The following FXYD5 variants were observed in gnomAD, a reference collection of about 807,000 sequenced individuals.
FXYD5 encodes FXYD domain-containing ion transport regulator 5.
Under a neutral mutation model 25.7 loss-of-function variants are expected in FXYD5, and 21 were observed. The ratio of observed to expected loss-of-function variants is 0.82; its 90% CI spans 0.58 to 1.18. The LOEUF (loss-of-function observed/expected upper bound fraction) is 1.18, where lower values mean the gene tolerates loss of function less well. Ranked by LOEUF, FXYD5 falls within the 50% of genes most tolerant of loss-of-function variation. The pLI, the probability that FXYD5 is intolerant of heterozygous loss-of-function variation, is 0.00. For synonymous variants in FXYD5, 101 were observed against 90.7 expected, an observed-to-expected ratio of 1.11 and a Z score of -0.64; for missense variants, 229 against 227.7, an observed-to-expected ratio of 1.01 and a Z score of -0.04.
At chr19:35,169,483 C>A in intron 8 of FXYD5, 83 bp from the exon 9 acceptor site, 1 of 1,033,024 alleles carries the variant, frequency 9.7e-7, no homozygotes, top group South Asian at 1.3e-5. Flanking sequence ...CAGGGTTGAT[C>A]AATCTGGTTC....
At chr19:35,163,420 T>C (rs1291324925) in intron 5 of FXYD5, among the ~76,000 whole-genome samples, 1 of 151,254 alleles carries the variant, frequency 6.6e-6, no homozygotes, top group Non-Finnish European at 1.5e-5. Context: ...TTTTTTTTTT[T>C]CAAGAGAAGA....
At chr19:35,168,869 C>T (rs972022757) in intron 8 of FXYD5, among the ~76,000 whole-genome samples, 1 of 152,096 alleles carries the variant, frequency 6.6e-6, no homozygotes, top group African/African-American at 2.4e-5. Flanking sequence ...TCAAGACCAG[C>T]TTGGCCAACA....
chr19:35,161,521 C>T (rs1214628828), intron 5 of FXYD5, among the ~76,000 whole-genome samples: 2 of 152,228 alleles, frequency 1.3e-5, no homozygotes, highest in African/African-American at 4.8e-5. Flanking sequence ...GCTGGAGTCA[C>T]ATGCTCATGT....
intron 4 of FXYD5, among the ~76,000 whole-genome samples, chr19:35,158,792 T>A (rs2065380048): frequency 6.6e-6 from 1 of 152,140 alleles, no homozygotes; most frequent in South Asian, 2.1e-4. Context: ...TTTTTTGAAT[T>A]TTTTGAACAA....
chr19:35,155,250 A>T (rs1423651801), intron 1 of FXYD5: 1 of 481,856 alleles, frequency 2.1e-6, no homozygotes, highest in Non-Finnish European at 3.8e-6. Context: ...CGGAAGGCGC[A>T]GGGAGGTGTT....
intron 3 of FXYD5, 53 bp from the exon 4 acceptor site, chr19:35,158,291 A>C (rs1688006): frequency 0.022 from 25,960 of 1,183,114 alleles, 672 homozygotes; most frequent in East Asian, 0.098. Flanking sequence ...GACCTTGCCC[A>C]CTTCTTTTTC....
In FXYD5 at chr19:35,160,788, G is replaced by A. The variant is rs967321065; in HGVS notation, c.279G>A (p.Lys93=). The stretch of plus-strand genomic sequence containing the variant: ...TAGTGACAGATCCAGAGACACACAA[G>A]AGCACCAAAGCAGGTATAGCATGGG... ...GPLVTDPETH[K]STKAAHPTDD... is the part of the protein sequence containing the mutation. Residue 93 remains lysine (K), a synonymous_variant, in exon 5 of 9, where the codon AAG becomes AAA. Transcript: ENST00000392219. 1 of 1,609,940 alleles carries A rather than the reference G, an allele frequency of 6.2e-7. No homozygotes were observed. The highest frequency in any genetic ancestry group is 8.5e-7 in the Non-Finnish European group (1 of 1,176,376).
intron 8 of FXYD5, 96 bp from the exon 9 acceptor site, chr19:35,169,470 G>A: frequency 1.1e-6 from 1 of 918,272 alleles, no homozygotes; most frequent in Admixed American, 1.7e-5. Flanking sequence ...GTTTCCCGAG[G>A]GGCAGGGTTG....
At chr19:35,159,799 A>C (rs377506207) in intron 4 of FXYD5, 5 of 890,476 alleles carry the variant, frequency 5.6e-6, no homozygotes, top group African/African-American at 3.4e-5. Flanking sequence ...TCAAGGTCTC[A>C]CAACAAGTCA....
At chr19:35,169,431 C>T (rs948897671) in intron 8 of FXYD5, 135 bp from the exon 9 acceptor site, 2 of 675,958 alleles carry the variant, frequency 3.0e-6, no homozygotes, top group African/African-American at 3.5e-5. Flanking sequence ...GTGTGTTTCT[C>T]CATCATTTGT....
At chr19:35,165,368 A>G (rs1391191537) in intron 6 of FXYD5, among the ~76,000 whole-genome samples, 1 of 152,210 alleles carries the variant, frequency 6.6e-6, no homozygotes, top group African/African-American at 2.4e-5. Flanking sequence ...TCCCCTTTTT[A>G]TACTGTATAG....
intron 5 of FXYD5, among the ~76,000 whole-genome samples, chr19:35,163,159 T>C (rs1242528405): frequency 1.3e-5 from 2 of 152,246 alleles, no homozygotes; most frequent in African/African-American, 4.8e-5. Context: ...AGTATGGCTG[T>C]CCTTCGCATT....
chr19:35,165,012 G>A (rs756247564), intron 6 of FXYD5, among the ~76,000 whole-genome samples: 1 of 152,142 alleles, frequency 6.6e-6, no homozygotes, highest in East Asian at 1.9e-4. Context: ...TAGAATATTT[G>A]CATTATACTT....
intron 8 of FXYD5, among the ~76,000 whole-genome samples, chr19:35,168,531 G>C (rs1470827957): frequency 6.6e-6 from 1 of 152,158 alleles, no homozygotes; most frequent in Non-Finnish European, 1.5e-5. Context: ...GGGTAGGTTG[G>C]GGGAGAGGAG....
chr19:35,160,794 C>T lies in FXYD5; in HGVS notation c.285C>T (p.Thr95=), dbSNP rs1600504704. 7 of 1,605,790 alleles carry T rather than the reference C, an allele frequency of 4.4e-6. No individual in the cohort carries two copies. Among genetic ancestry groups the T allele is most frequent in the South Asian group, 3.3e-5 (3 of 90,932 alleles). Residue 95 remains threonine (T), a synonymous_variant, in exon 5 of 9, where the codon ACC becomes ACT. Coordinates refer to ENST00000392219, the MANE Select transcript of FXYD5 (RefSeq NM_014164.6). ...CAGATCCAGAGACACACAAGAGCAC[C>T]AAAGCAGGTATAGCATGGGACTGAG... ...LVTDPETHKS[T]KAAHPTDDTT... is the part of the protein sequence containing the mutation.
At chr19:35,160,594 C>T (rs2065395670) in intron 4 of FXYD5, 115 bp from the exon 5 acceptor site, 1 of 716,700 alleles carries the variant, frequency 1.4e-6, no homozygotes, top group Admixed American at 1.9e-5. Flanking sequence ...AATCTGCCCG[C>T]CTCGGCCTCC....
chr19:35,159,780 G>A (rs2065388658), intron 4 of FXYD5: 4 of 1,081,744 alleles, frequency 3.7e-6, no homozygotes, highest in Admixed American at 3.1e-5. Context: ...GAGGCTGTGA[G>A]TAACTGGTTC....
At chr19:35,158,260 T>G (rs1434198028) in intron 3 of FXYD5, 84 bp from the exon 4 acceptor site, 8 of 845,252 alleles carry the variant, frequency 9.5e-6, no homozygotes, top group Non-Finnish European at 1.7e-5. Flanking sequence ...GCTACGGGAA[T>G]CTCTGGCATC....
At chr19:35,163,856 C>T (rs955498009) in intron 5 of FXYD5, among the ~76,000 whole-genome samples, 2 of 152,140 alleles carry the variant, frequency 1.3e-5, no homozygotes, top group African/African-American at 4.8e-5. Context: ...GTTGCCCTTT[C>T]GTTCCTTTAT....
Sources: gnomAD v4.1 joint callset for allele counts (sites outside exome capture counted in the v4.1 genomes callset) on GRCh38, gnomAD v4.1.1 for gene constraint, MANE v1.5 for transcripts, NCBI Gene and HGNC (gene_info 2026-07-23, HGNC 2026-07-21) for gene names.